CSMD1: variants seen among roughly 807,000 people sequenced by gnomAD.
CSMD1 encodes the protein CUB and sushi domain-containing protein 1.
A neutral mutation model predicts 417.5 loss-of-function variants in CSMD1; 213 were observed. That is an observed-to-expected ratio of 0.51 (90% CI 0.46 to 0.57). The LOEUF (loss-of-function observed/expected upper bound fraction) is 0.57, where lower values mean the gene tolerates loss of function less well. Ranked by LOEUF, CSMD1 falls within the 20% of genes least tolerant of loss-of-function variation. CSMD1 has a pLI of 0.00. For synonymous variants in CSMD1, 2,862 were observed against 1,736.8 expected (o/e 1.65, Z -16.11); for missense variants, 6,923 against 4,529.7 (o/e 1.53, Z -15.17).
At chr8:4,745,375 C>G (rs1218006209) in intron 1 of CSMD1, among the ~76,000 whole-genome samples, 1 of 152,118 alleles carries the variant, frequency 6.6e-6, no homozygotes, top group Non-Finnish European at 1.5e-5. Flanking sequence ...TTAGTAACAG[C>G]ACCTAAGCTT....
At chr8:4,534,069 G>C (rs530300808) in intron 2 of CSMD1, among the ~76,000 whole-genome samples, 2 of 152,026 alleles carry the variant, frequency 1.3e-5, no homozygotes, top group African/African-American at 2.4e-5. Flanking sequence ...GCATATGTAA[G>C]GACACAATTA....
intron 26 of CSMD1, among the ~76,000 whole-genome samples, chr8:3,273,793 T>G (rs1022928421): frequency 6.6e-6 from 1 of 152,046 alleles, no homozygotes; most frequent in African/African-American, 2.4e-5. Context: ...CTTTATCATT[T>G]TTATTGTATC....
At chr8:4,181,774 C>T (rs1002793817) in intron 3 of CSMD1, among the ~76,000 whole-genome samples, 17 of 152,054 alleles carry the variant, frequency 1.1e-4, no homozygotes, top group East Asian at 3.9e-4. Context: ...TGAAATATTA[C>T]GTATTAACGA....
At chr8:4,840,964 CT>C (rs757162782) in intron 1 of CSMD1, among the ~76,000 whole-genome samples, 1 of 152,162 alleles carries the variant, frequency 6.6e-6, no homozygotes, top group African/African-American at 2.4e-5. Flanking sequence ...AACAAGTGCA[CT>C]GGGCTAGTCC....
At chr8:4,841,062 T>A (rs1228025161) in intron 1 of CSMD1, among the ~76,000 whole-genome samples, 1 of 152,220 alleles carries the variant, frequency 6.6e-6, no homozygotes, top group Non-Finnish European at 1.5e-5. Context: ...CTGTATTCTT[T>A]CCTGCCTTGA....
chr8:4,123,848 G>T (rs1023371462), intron 3 of CSMD1, among the ~76,000 whole-genome samples: 1 of 152,062 alleles, frequency 6.6e-6, no homozygotes, highest in African/African-American at 2.4e-5. Context: ...ATGAGAACAC[G>T]GAACTTTCAA....
intron 7 of CSMD1, among the ~76,000 whole-genome samples, chr8:3,679,053 C>A (rs1426037061): frequency 2.0e-5 from 3 of 152,080 alleles, no homozygotes; most frequent in Admixed American, 6.6e-5. Flanking sequence ...TGGAAAGGAA[C>A]AACTGGTACT....
intron 5 of CSMD1, among the ~76,000 whole-genome samples, chr8:3,754,270 G>C (rs1797531199): frequency 6.6e-6 from 1 of 152,020 alleles, no homozygotes; most frequent in Non-Finnish European, 1.5e-5. Context: ...AAAAATATTT[G>C]ATACTTTCAT....
intron 18 of CSMD1, among the ~76,000 whole-genome samples, chr8:3,385,034 T>C (rs1358928245): frequency 1.7e-5 from 2 of 119,134 alleles, no homozygotes; most frequent in African/African-American, 6.7e-5. Context: ...AAATATAATA[T>C]ATATAATATA....
At chr8:3,449,750 T>G (rs1248283313) in intron 12 of CSMD1, among the ~76,000 whole-genome samples, 3 of 152,140 alleles carry the variant, frequency 2.0e-5, no homozygotes, top group African/African-American at 7.2e-5. Flanking sequence ...ACTCTTGACC[T>G]CAGGTGATCC....
At chr8:3,833,979 G>A (rs529882388) in intron 5 of CSMD1, among the ~76,000 whole-genome samples, 20 of 152,000 alleles carry the variant, frequency 1.3e-4, no homozygotes, top group Admixed American at 1.1e-3. Flanking sequence ...TTTCCTATAC[G>A]GTTTGAACAC....
chr8:3,953,994 G>A (rs1024108824), intron 5 of CSMD1, among the ~76,000 whole-genome samples: 3 of 152,172 alleles, frequency 2.0e-5, no homozygotes, highest in Non-Finnish European at 4.4e-5. Context: ...CTCTGGTGGT[G>A]ATGCCTCCAG....
chr8:4,076,082 T>A (rs1799806633), intron 3 of CSMD1, among the ~76,000 whole-genome samples: 1 of 152,170 alleles, frequency 6.6e-6, no homozygotes, highest in Non-Finnish European at 1.5e-5. Context: ...AAATCTCATC[T>A]TGAATTGCAG....
intron 6 of CSMD1, among the ~76,000 whole-genome samples, chr8:3,711,781 T>A: frequency 6.6e-6 from 1 of 152,142 alleles, no homozygotes; most frequent in East Asian, 1.9e-4. Context: ...TAACTTTATC[T>A]TGAAGTTACT....
chr8:3,594,370 A>C (rs1800996000), intron 8 of CSMD1, among the ~76,000 whole-genome samples: 2 of 152,212 alleles, frequency 1.3e-5, no homozygotes, highest in South Asian at 4.1e-4. Flanking sequence ...TTATGCTGGA[A>C]ACTGAAATTT....
chr8:3,822,258 C>T (rs548167511), intron 5 of CSMD1, among the ~76,000 whole-genome samples: 3 of 152,100 alleles, frequency 2.0e-5, no homozygotes, highest in Non-Finnish European at 4.4e-5. Flanking sequence ...TGGACGCATC[C>T]CTTAAAGAGA....
intron 1 of CSMD1, among the ~76,000 whole-genome samples, chr8:4,911,098 G>A (rs981535303): frequency 4.6e-5 from 7 of 152,174 alleles, no homozygotes; most frequent in Admixed American, 2.6e-4. Context: ...CCAGCCATGT[G>A]GAACTGTAAG....
chr8:3,676,360 G>A (rs910990748), intron 7 of CSMD1, among the ~76,000 whole-genome samples: 1 of 152,130 alleles, frequency 6.6e-6, no homozygotes, highest in Admixed American at 6.5e-5. Context: ...CCGCCAGGCA[G>A]GATTGTTGTC....
intron 11 of CSMD1, among the ~76,000 whole-genome samples, chr8:3,474,381 G>A (rs1247941333): frequency 6.6e-6 from 1 of 152,020 alleles, no homozygotes; most frequent in Non-Finnish European, 1.5e-5. Flanking sequence ...GGGGGAAGAG[G>A]TTTTCCTGAC....
Sources: gnomAD v4.1 joint callset for allele counts (sites outside exome capture counted in the v4.1 genomes callset) on GRCh38, gnomAD v4.1.1 for gene constraint, MANE v1.5 for transcripts, NCBI Gene and HGNC (gene_info 2026-07-23, HGNC 2026-07-21) for gene names.